EXOC1: variants seen among roughly 807,000 people sequenced by gnomAD.
The protein encoded by EXOC1 is SEC3-like 1.
In EXOC1, 67 loss-of-function variants were observed where a neutral mutation model predicts 107.7. The observed-to-expected ratio is 0.62, with a 90% CI of 0.51 to 0.76. The LOEUF (loss-of-function observed/expected upper bound fraction) is 0.76. Among genes scored for constraint, EXOC1 ranks in the 30% least tolerant of loss-of-function variants. The probability of loss-of-function intolerance (pLI) is 0.00; values close to 1 mark genes in which losing one functional copy is unlikely to be tolerated. For missense variants in EXOC1, 833 were observed against 1,055.7 expected (o/e 0.79, Z 2.92); for synonymous variants, 348 against 353.5 (o/e 0.98, Z 0.17).
chr4:55,871,943 T>C lies in EXOC1; in HGVS notation c.1059T>C (p.Asn353=), dbSNP rs752997635. The C allele has an allele frequency of 6.2e-7, 1 of 1,613,452 alleles. No homozygotes were observed. Among genetic ancestry groups the C allele is most frequent in the South Asian group, 1.1e-5 (1 of 91,044 alleles). Residue 353 remains asparagine, a synonymous_variant, in exon 8 of 19, where the codon AAT becomes AAC. Coordinates refer to ENST00000381295, the MANE Select transcript of EXOC1 (RefSeq NM_001024924.2). ...FARRLASHLN[N]VFVQQGHDQS... is the part of the protein sequence containing the mutation. ...GGAGACTGGCCAGTCACCTCAACAA[T>C]GTTTTTGTTCAACAGGTAATTTTAT... is the stretch of plus-strand genomic sequence containing the variant.
At chr4:55,889,090 G>A (rs1186506666) in intron 11 of EXOC1, among the ~76,000 whole-genome samples, 158 bp downstream of exon 11, 1 of 152,172 alleles carries the variant, frequency 6.6e-6, no homozygotes, top group Admixed American at 6.5e-5. Context: ...TGATATGGCT[G>A]TATCCAAGAA....
chr4:55,893,054 T>A lies in EXOC1; in HGVS notation c.1724+343T>A, dbSNP rs539497321. On this transcript the variant is annotated intron_variant, in intron 14 of 18. Coordinates refer to ENST00000381295, the MANE Select transcript of EXOC1 (RefSeq NM_001024924.2). ...CTAATTCAAATGATAAAACCCAACA[T>A]CAGTAAAATATTTTTATATCAAAAA... Among the ~76,000 whole-genome samples, 6 of 152,308 alleles carry A rather than the reference T, an allele frequency of 3.9e-5. No homozygotes were observed. In the South Asian group the frequency reaches 1.2e-3, roughly 32 times the overall value.
At chr4:55,874,595 C>A (rs568154431) in intron 8 of EXOC1, among the ~76,000 whole-genome samples, 1 of 152,168 alleles carries the variant, frequency 6.6e-6, no homozygotes, top group South Asian at 2.1e-4. Flanking sequence ...TGCAACTTTC[C>A]TATTAATACT....
In EXOC1 at chr4:55,868,557, G is replaced by A. The variant is rs778291574; in HGVS notation, c.603+34G>A. The stretch of plus-strand genomic sequence containing the variant: ...TTCCTGAATTCTATGAATAAGTGAT[G>A]TATAGTGGATTGAGAAGGCTAATGA... On this transcript the variant is annotated intron_variant, in intron 5 of 18. Coordinates refer to ENST00000381295, the MANE Select transcript of EXOC1 (RefSeq NM_001024924.2). The A allele has an allele frequency of 1.9e-5, 30 of 1,591,094 alleles. No homozygotes were observed. In the South Asian group the frequency reaches 3.2e-4, roughly 17 times the overall value.
At position 55,870,667 on chromosome 4, in the gene EXOC1, T is replaced by C. The variant is rs1577709700; in HGVS notation, c.604-11T>C. On this transcript the variant is annotated splice_polypyrimidine_tract_variant and intron_variant, in intron 5 of 18. Coordinates refer to ENST00000381295, the MANE Select transcript of EXOC1 (RefSeq NM_001024924.2). Reference sequence around the variant, plus strand: ...TTGTTTGTTTGTTTGTTTTGGTCTTTAACTTTGTAGGCTAACATCCAGTCA... The same window carrying C: ...TTGTTTGTTTGTTTGTTTTGGTCTTCAACTTTGTAGGCTAACATCCAGTCA... The C allele has an allele frequency of 2.5e-6, 4 of 1,609,568 alleles. No homozygotes were observed. Among genetic ancestry groups the C allele is most frequent in the Non-Finnish European group, 3.4e-6 (4 of 1,176,404 alleles).
intron 4 of EXOC1, among the ~76,000 whole-genome samples, chr4:55,865,061 G>T (rs529201908): frequency 6.6e-6 from 1 of 152,282 alleles, no homozygotes; most frequent in African/African-American, 2.4e-5. Flanking sequence ...TCATAGGGTT[G>T]TTATGAGGAT....
rs772469477 is a variant in EXOC1 at position 55,899,656 on chromosome 4, T to A, written c.2138-29T>A. The stretch of plus-strand genomic sequence containing the variant: ...CTAAATATGGTCATACTCAGAGATG[T>A]TATTTTATTTTTTCTGTTTTGGTTT... On this transcript the variant is annotated intron_variant, in intron 16 of 18. Transcript: ENST00000381295. 3.8e-6 allele frequency: 6 copies of A among 1,583,076 alleles called. No homozygotes were observed. The Admixed American group carries it at 9.0e-5, about 24-fold the overall frequency.
chr4:55,858,200 A>T, intron 1 of EXOC1, 114 bp from the exon 2 acceptor site: 2 of 1,042,254 alleles, frequency 1.9e-6, no homozygotes, highest in Non-Finnish European at 2.7e-6. Context: ...TTCATATATT[A>T]AATCATTTTT....
chr4:55,887,217 C>CGGG (rs542280239), intron 10 of EXOC1, among the ~76,000 whole-genome samples: 113 of 151,886 alleles, frequency 7.4e-4, no homozygotes, highest in African/African-American at 2.6e-3. Flanking sequence ...TAATCATTGC[C>CGGG]CTCCTTCCAA....
At chr4:55,888,826 G>T in intron 10 of EXOC1, 62 bp from the exon 11 acceptor site, 1 of 1,546,306 alleles carries the variant, frequency 6.5e-7, no homozygotes. Context: ...TGCATGGTTT[G>T]TGCAAATTGC....
intron 3 of EXOC1, among the ~76,000 whole-genome samples, chr4:55,862,056 C>T (rs1291945645): frequency 1.4e-5 from 2 of 144,052 alleles, no homozygotes; most frequent in African/African-American, 5.1e-5. Flanking sequence ...TCTGTCTCCA[C>T]AAAAAAAAAC....
In EXOC1 at chr4:55,853,733, GC is replaced by G. The variant is rs1720689577; in HGVS notation, c.-226del. 1 of 152,266 alleles carries G rather than the reference GC, an allele frequency of 6.6e-6. No individual in the cohort carries two copies. The highest frequency in any genetic ancestry group is 2.4e-5 in the African/African-American group (1 of 41,460). 9.4% of individuals were successfully genotyped at this position (152,266 alleles called of 1,614,324 possible). Reference sequence around the variant, plus strand: ...CTTTATTGAGGGGCGTATCCTAGTGGCCCCCATCCGGTCTCCGTTTTGGAAG... The same window carrying G: ...CTTTATTGAGGGGCGTATCCTAGTGGCCCCATCCGGTCTCCGTTTTGGAAG... On this transcript the variant is annotated 5_prime_UTR_variant, in exon 1 of 19. Coordinates refer to ENST00000381295, the MANE Select transcript of EXOC1 (RefSeq NM_001024924.2).
At chr4:55,864,012 G>T (rs1279922495) in intron 3 of EXOC1, among the ~76,000 whole-genome samples, 2 of 152,198 alleles carry the variant, frequency 1.3e-5, no homozygotes, top group Non-Finnish European at 2.9e-5. Flanking sequence ...GGAAGAAAAT[G>T]ACCACAACAG....
At position 55,871,099 on chromosome 4, in the gene EXOC1, A is replaced by G. The variant is rs1722391788; in HGVS notation, c.832-2A>G. 2 of 1,613,306 alleles carry G rather than the reference A, an allele frequency of 1.2e-6. No homozygotes were observed. The highest frequency in any genetic ancestry group is 1.7e-6 in the Non-Finnish European group (2 of 1,179,600). On this transcript the variant is annotated splice_acceptor_variant, in intron 6 of 18. Transcript: ENST00000381295. LOFTEE classifies it high-confidence loss of function. Reference sequence around the variant, plus strand: ...CAAATGGTGTGTTTGCATATATTCTAGAACCACATGGACTTGGCCAAAGGT... The same window carrying G: ...CAAATGGTGTGTTTGCATATATTCTGGAACCACATGGACTTGGCCAAAGGT...
intron 12 of EXOC1, among the ~76,000 whole-genome samples, chr4:55,890,864 A>T (rs1487105733): frequency 6.6e-6 from 1 of 152,086 alleles, no homozygotes; most frequent in African/African-American, 2.4e-5. Context: ...GGTAGCTGGG[A>T]TTACAGGTGC....
intron 15 of EXOC1, 141 bp downstream of exon 15, chr4:55,893,921 T>C (rs1174662736): frequency 4.4e-6 from 3 of 685,490 alleles, no homozygotes. Flanking sequence ...ATGGCAACAA[T>C]CTACATGAAC....
At chr4:55,875,780 T>G in intron 8 of EXOC1, 1 of 985,346 alleles carries the variant, frequency 1.0e-6, no homozygotes. Flanking sequence ...GGCACATAGT[T>G]TAGGCCAGGC....
At chr4:55,856,387 A>G (rs1720971294) in intron 1 of EXOC1, among the ~76,000 whole-genome samples, 1 of 152,224 alleles carries the variant, frequency 6.6e-6, no homozygotes, top group South Asian at 2.1e-4. Context: ...AAGAGAACAG[A>G]AAGAAGGGCA....
chr4:55,901,240 A>G (rs906370723), intron 17 of EXOC1, among the ~76,000 whole-genome samples: 7 of 152,234 alleles, frequency 4.6e-5, no homozygotes, highest in Admixed American at 4.6e-4. Flanking sequence ...GTGTTGGTCA[A>G]GTGACAAAAT....
Sources: allele counts gnomAD v4.1 joint callset (sites outside exome capture counted in the v4.1 genomes callset), GRCh38; gene constraint gnomAD v4.1.1; transcripts MANE v1.5; gene names NCBI Gene and HGNC (gene_info 2026-07-23, HGNC 2026-07-21).